PRICKLE1: variants seen among roughly 807,000 people sequenced by gnomAD.
The protein encoded by PRICKLE1 is prickle planar cell polarity protein 1.
PRICKLE1 carries 14 observed loss-of-function variants against 70.2 expected under a neutral mutation model. The observed-to-expected ratio is 0.20, with a 90% CI of 0.13 to 0.31. The LOEUF (loss-of-function observed/expected upper bound fraction) is 0.31. Ranked by LOEUF, PRICKLE1 falls within the 10% of genes least tolerant of loss-of-function variation. PRICKLE1 has a pLI of 1.00. For synonymous variants in PRICKLE1, 357 were observed against 379.9 expected (o/e 0.94, Z 0.70); for missense variants, 821 against 1,026.2 (o/e 0.80, Z 2.73).
At chr12:42,553,926 A>C (rs182279517) in intron 1 of PRICKLE1, among the ~76,000 whole-genome samples, 7 of 152,262 alleles carry the variant, frequency 4.6e-5, no homozygotes, top group Admixed American at 4.6e-4. Flanking sequence ...AACACAGCGA[A>C]ACCCCATCTC....
chr12:42,478,549 T>A (rs1796364), intron 1 of PRICKLE1, among the ~76,000 whole-genome samples: 37,408 of 152,046 alleles, frequency 0.25, 4,890 homozygotes, highest in Non-Finnish European at 0.29. Flanking sequence ...CACAAGGAAC[T>A]GCTGTTAGAA....
rs575095175 is a variant in PRICKLE1 at position 42,501,411 on chromosome 12, G to A, written c.-48-28847C>T. The stretch of plus-strand genomic sequence containing the variant: ...TGTAGTCCCAGCTACTCAGGAGGCT[G>A]AGGTAGGAGAATCGCTTGAACCCGG... On this transcript the variant is annotated intron_variant, in intron 1 of 7. Transcript: ENST00000345127. 1.5e-4 allele frequency among the ~76,000 whole-genome samples: 22 copies of A among 151,086 alleles called. No individual in the cohort carries two copies. In the South Asian group the frequency reaches 4.4e-3, roughly 30 times the overall value.
chr12:42,588,851 C>A (rs531413868), intron 1 of PRICKLE1, among the ~76,000 whole-genome samples: 1 of 152,212 alleles, frequency 6.6e-6, no homozygotes, highest in African/African-American at 2.4e-5. Flanking sequence ...GAGTCCCGCT[C>A]CTAATAACTA....
chr12:42,466,318 G>A lies in PRICKLE1; in HGVS notation c.651C>T (p.Cys217=). The A allele has an allele frequency of 6.2e-7, 1 of 1,614,192 alleles. No individual in the cohort carries two copies. Among genetic ancestry groups the A allele is most frequent in the Non-Finnish European group, 8.5e-7 (1 of 1,180,034 alleles). Residue 217 remains cysteine, a synonymous_variant, in exon 6 of 8, where the codon TGC becomes TGT. Transcript: ENST00000345127. ...EGRHWHMKHF[C]CLECETVLGG... is the part of the protein sequence containing the mutation. ...CCAGGACCGTTTCACACTCAAGGCAGCAGAAGTGTTTCATGTGCCAATGGC... is the reference window on the plus strand; with the variant it reads ...CCAGGACCGTTTCACACTCAAGGCAACAGAAGTGTTTCATGTGCCAATGGC...
chr12:42,464,252 C>T lies in PRICKLE1; in HGVS notation c.1639+143G>A, dbSNP rs548460209. On this transcript the variant is annotated intron_variant, in intron 7 of 7. Coordinates refer to ENST00000345127, the MANE Select transcript of PRICKLE1 (RefSeq NM_153026.3). This position sits in a 1 kb window ranked among gnomAD's most constrained non-coding sequence, Gnocchi z 4.2. Reference sequence around the variant, plus strand: ...CCTGGGCTGGTCTCGAACTCCTGACCTCAAATGATCTGCCCACCTCAGCCT... The same window carrying T: ...CCTGGGCTGGTCTCGAACTCCTGACTTCAAATGATCTGCCCACCTCAGCCT... 125 of 1,053,794 alleles carry T rather than the reference C, an allele frequency of 1.2e-4. No homozygotes were observed. Among genetic ancestry groups the T allele is most frequent in the Non-Finnish European group, 1.6e-4 (111 of 684,810 alleles). The allele number at this position is 1,053,794 out of a possible 1,614,324, so 65.3% of individuals were successfully genotyped here.
At chr12:42,505,375 A>C (rs879409299) in intron 1 of PRICKLE1, among the ~76,000 whole-genome samples, 1 of 152,242 alleles carries the variant, frequency 6.6e-6, no homozygotes, top group Non-Finnish European at 1.5e-5. Context: ...TATTTGTAGA[A>C]TAAGGCAACA....
chr12:42,481,675 ATTAAAT>A (rs1938799171), intron 1 of PRICKLE1, among the ~76,000 whole-genome samples: 1 of 152,256 alleles, frequency 6.6e-6, no homozygotes, highest in Non-Finnish European at 1.5e-5. Flanking sequence ...ATGCAGGTGA[ATTAAAT>A]TTAACTACAG....
chr12:42,526,336 A>G (rs986417555), intron 1 of PRICKLE1, among the ~76,000 whole-genome samples: 5 of 151,936 alleles, frequency 3.3e-5, no homozygotes, highest in Admixed American at 2.6e-4. Flanking sequence ...TAAGTTACAG[A>G]ATGGAGGTAT....
intron 1 of PRICKLE1, among the ~76,000 whole-genome samples, chr12:42,505,958 C>T (rs1386107590): frequency 6.6e-6 from 1 of 152,176 alleles, no homozygotes; most frequent in African/African-American, 2.4e-5. Context: ...GGTCTACAGA[C>T]ATCATTCACT....
chr12:42,478,069 A>G (rs1042236737), intron 1 of PRICKLE1, among the ~76,000 whole-genome samples: 6 of 151,704 alleles, frequency 4.0e-5, no homozygotes, highest in Admixed American at 3.9e-4. Flanking sequence ...TCAATGGTTT[A>G]CATTTTGCTC....
intron 1 of PRICKLE1, among the ~76,000 whole-genome samples, chr12:42,488,674 T>C (rs571754945): frequency 6.6e-6 from 1 of 152,286 alleles, no homozygotes; most frequent in East Asian, 1.9e-4. Context: ...AGCTGTACCA[T>C]GGCAACATAT....
At chr12:42,567,781 C>A (rs1296121780) in intron 1 of PRICKLE1, among the ~76,000 whole-genome samples, 6 of 132,944 alleles carry the variant, frequency 4.5e-5, no homozygotes, top group African/African-American at 1.8e-4. Context: ...GAGCCAAGAT[C>A]GTGCCACTTC....
intron 1 of PRICKLE1, among the ~76,000 whole-genome samples, chr12:42,558,582 T>C (rs767729006): frequency 6.6e-6 from 1 of 152,244 alleles, no homozygotes; most frequent in Non-Finnish European, 1.5e-5. Flanking sequence ...GGCTTTACCA[T>C]GGGCCAGTGG....
chr12:42,535,751 T>G (rs1405937147), intron 1 of PRICKLE1, among the ~76,000 whole-genome samples: 3 of 152,090 alleles, frequency 2.0e-5, no homozygotes, highest in Non-Finnish European at 4.4e-5. Context: ...GCCACTGCAC[T>G]CCAGCCTGGG....
intron 1 of PRICKLE1, among the ~76,000 whole-genome samples, chr12:42,544,211 T>C (rs1940168126): frequency 6.6e-6 from 1 of 152,194 alleles, no homozygotes; most frequent in Non-Finnish European, 1.5e-5. Flanking sequence ...TGCCTCACTA[T>C]TTACAAATTT....
chr12:42,478,158 T>A (rs1938644158), intron 1 of PRICKLE1, among the ~76,000 whole-genome samples: 1 of 152,170 alleles, frequency 6.6e-6, no homozygotes, highest in Non-Finnish European at 1.5e-5. Context: ...TGGGATCCAT[T>A]TGAGAGTGTA....
chr12:42,570,225 G>A (rs902538090), intron 1 of PRICKLE1, among the ~76,000 whole-genome samples: 2 of 152,202 alleles, frequency 1.3e-5, no homozygotes, highest in African/African-American at 4.8e-5. Flanking sequence ...CATACTCCAT[G>A]CTTAAGTAAC....
chr12:42,472,269 G>T, intron 2 of PRICKLE1, 116 bp downstream of exon 2: 2 of 1,155,448 alleles, frequency 1.7e-6, no homozygotes, highest in Non-Finnish European at 1.3e-6. Flanking sequence ...AATAAGGACT[G>T]AGGAGGGTGG....
chr12:42,520,256 T>C (rs1939687928), intron 1 of PRICKLE1, among the ~76,000 whole-genome samples: 1 of 152,188 alleles, frequency 6.6e-6, no homozygotes, highest in Non-Finnish European at 1.5e-5. Flanking sequence ...TAATACACAC[T>C]GCGACTAAAT....
Sources: allele counts gnomAD v4.1 joint callset (sites outside exome capture counted in the v4.1 genomes callset), GRCh38; gene constraint gnomAD v4.1.1; non-coding constraint Gnocchi (gnomAD v3.1); transcripts MANE v1.5; gene names NCBI Gene and HGNC (gene_info 2026-07-23, HGNC 2026-07-21).